The following DYM variants were observed in gnomAD, a reference collection of about 807,000 sequenced individuals.
DYM encodes dyggve-Melchior-Clausen syndrome protein.
A neutral mutation model predicts 93.1 loss-of-function variants in DYM; 78 were observed. The observed-to-expected ratio is 0.84, with a 90% CI of 0.70 to 1.01. The LOEUF is 1.01. Among genes scored for constraint, DYM ranks in the 50% least tolerant of loss-of-function variants. The pLI, the probability that DYM is intolerant of heterozygous loss-of-function variation, is 0.00. For missense variants in DYM, 789 were observed against 845.0 expected (o/e 0.93, Z 0.82); for synonymous variants, 321 against 319.7 (o/e 1.00, Z -0.04).
At chr18:49,323,240 G>A (rs576057) in intron 8 of DYM, among the ~76,000 whole-genome samples, 24,015 of 152,130 alleles carry the variant, frequency 0.16, 2,038 homozygotes, top group Non-Finnish European at 0.17. Context: ...AGAATGGGTA[G>A]TGAGTGATCC....
At chr18:49,321,896 A>G (rs2062509543) in intron 8 of DYM, among the ~76,000 whole-genome samples, 1 of 152,024 alleles carries the variant, frequency 6.6e-6, no homozygotes, top group African/African-American at 2.4e-5. Context: ...GAAATCTGTT[A>G]TTTTCACAAC....
At chr18:49,142,630 TC>T (rs1401786205) in intron 15 of DYM, among the ~76,000 whole-genome samples, 1 of 152,226 alleles carries the variant, frequency 6.6e-6, no homozygotes, top group East Asian at 1.9e-4. Flanking sequence ...GATGCAGACT[TC>T]ATCTCTGTTG....
chr18:49,115,392 T>C (rs936995478), intron 16 of DYM, among the ~76,000 whole-genome samples: 2 of 152,236 alleles, frequency 1.3e-5, no homozygotes, highest in African/African-American at 4.8e-5. Flanking sequence ...TACTGGGAAT[T>C]AGAGATTATT....
At chr18:49,085,604 TC>T (rs2078437970) in intron 17 of DYM, among the ~76,000 whole-genome samples, 1 of 136,260 alleles carries the variant, frequency 7.3e-6, no homozygotes, top group African/African-American at 2.7e-5. Context: ...GGACAACTGG[TC>T]CTTTTTTTTT....
At chr18:49,384,213 C>T (rs2068335660) in intron 3 of DYM, among the ~76,000 whole-genome samples, 2 of 150,714 alleles carry the variant, frequency 1.3e-5, no homozygotes, top group African/African-American at 4.9e-5. Flanking sequence ...GTCCCAGCTA[C>T]CCAGGAGGCC....
chr18:49,326,455 T>C (rs558379054), intron 8 of DYM, among the ~76,000 whole-genome samples: 57 of 151,884 alleles, frequency 3.8e-4, no homozygotes, highest in African/African-American at 1.4e-3. Context: ...TAAACCACAC[T>C]TGACACATTT....
At chr18:49,221,393 A>G (rs1205877998) in intron 13 of DYM, among the ~76,000 whole-genome samples, 2 of 152,082 alleles carry the variant, frequency 1.3e-5, no homozygotes, top group African/African-American at 4.8e-5. Context: ...TGACCCAGTC[A>G]TCACATTACT....
At chr18:49,255,184 G>C (rs1327931472) in intron 13 of DYM, among the ~76,000 whole-genome samples, 1 of 152,210 alleles carries the variant, frequency 6.6e-6, no homozygotes, top group Non-Finnish European at 1.5e-5. Flanking sequence ...CCAATGAAGA[G>C]AATGTGAGAT....
chr18:49,312,435 C>T (rs2061656046), intron 8 of DYM, among the ~76,000 whole-genome samples: 1 of 152,094 alleles, frequency 6.6e-6, no homozygotes. Context: ...GGTGTCTTCA[C>T]TTTAACCTTT....
chr18:49,259,342 C>T (rs182887628), intron 11 of DYM, among the ~76,000 whole-genome samples: 24 of 152,346 alleles, frequency 1.6e-4, no homozygotes, highest in African/African-American at 5.1e-4. Context: ...CAAATCAAGA[C>T]TCTCTTCTAA....
At chr18:49,392,264 T>C (rs1302159542) in intron 2 of DYM, among the ~76,000 whole-genome samples, 1 of 152,014 alleles carries the variant, frequency 6.6e-6, no homozygotes, top group Non-Finnish European at 1.5e-5. Context: ...GAAGAAAATA[T>C]GTTTCTTGAG....
intron 17 of DYM, among the ~76,000 whole-genome samples, chr18:49,044,903 T>C (rs926728508): frequency 1.3e-5 from 2 of 152,360 alleles, no homozygotes; most frequent in Middle Eastern, 3.4e-3. Flanking sequence ...TCCTCTGTTA[T>C]GTAAGGAGTC....
In DYM at chr18:49,391,664, A is replaced by G. The variant is rs776454490; in HGVS notation, c.141-19T>C. 6.2e-7 allele frequency: 1 copy of G among 1,603,992 alleles called. No individual in the cohort carries two copies. Among genetic ancestry groups the G allele is most frequent in the Non-Finnish European group, 8.5e-7 (1 of 1,171,142 alleles). Reference sequence around the variant, plus strand: ...CTCACTACTGGAGAGACAGAAGAATAAAGGTAATTAATGACTATAATACTA... The same window carrying G: ...CTCACTACTGGAGAGACAGAAGAATGAAGGTAATTAATGACTATAATACTA... On this transcript the variant is annotated intron_variant, in intron 2 of 17. Transcript: ENST00000675505.
chr18:49,152,961 G>A (rs898168746), intron 15 of DYM, among the ~76,000 whole-genome samples: 2 of 152,126 alleles, frequency 1.3e-5, no homozygotes, highest in African/African-American at 4.8e-5. Flanking sequence ...GCCAGGGGGT[G>A]GGGGAAAGGA....
At chr18:49,069,590 A>C (rs78696305) in intron 17 of DYM, among the ~76,000 whole-genome samples, 2 of 152,250 alleles carry the variant, frequency 1.3e-5, no homozygotes, top group Non-Finnish European at 2.9e-5. Context: ...ACATATACTT[A>C]TAAAAGTAAG....
chr18:49,146,154 A>T (rs2085110614), intron 15 of DYM, among the ~76,000 whole-genome samples: 1 of 152,194 alleles, frequency 6.6e-6, no homozygotes, highest in Non-Finnish European at 1.5e-5. Flanking sequence ...AAATGAGAGA[A>T]TGCTGAAGCT....
chr18:49,240,360 AG>A (rs2093981987), intron 13 of DYM, among the ~76,000 whole-genome samples: 2 of 152,176 alleles, frequency 1.3e-5, no homozygotes, highest in Non-Finnish European at 2.9e-5. Context: ...ATTAAAACTG[AG>A]AAAATATTAA....
chr18:49,191,369 C>T (rs1247151121), intron 14 of DYM, among the ~76,000 whole-genome samples: 1 of 151,930 alleles, frequency 6.6e-6, no homozygotes, highest in Non-Finnish European at 1.5e-5. Flanking sequence ...TGAAAATCTG[C>T]CTATAAATGC....
intron 2 of DYM, among the ~76,000 whole-genome samples, chr18:49,405,913 T>C (rs1905669376): frequency 6.6e-6 from 1 of 152,224 alleles, no homozygotes; most frequent in African/African-American, 2.4e-5. Flanking sequence ...AGCAGTGTTT[T>C]ATTGTTCTCC....
Sources: gnomAD v4.1 joint callset for allele counts (sites outside exome capture counted in the v4.1 genomes callset) on GRCh38, gnomAD v4.1.1 for gene constraint, MANE v1.5 for transcripts, NCBI Gene and HGNC (gene_info 2026-07-23, HGNC 2026-07-21) for gene names.